BICD1: variants seen among roughly 807,000 people sequenced by gnomAD.
The protein encoded by BICD1 is protein bicaudal D homolog 1.
In BICD1, 35 loss-of-function variants were observed where a neutral mutation model predicts 92.5. That is an observed-to-expected ratio of 0.38 (90% CI 0.29 to 0.50). The LOEUF is 0.50. Ranked by LOEUF, BICD1 falls within the 20% of genes least tolerant of loss-of-function variation. BICD1 has a pLI of 0.93. For synonymous variants in BICD1, 429 were observed against 465.1 expected, an observed-to-expected ratio of 0.92 and a Z score of 1.00; for missense variants, 950 against 1,189.8, an observed-to-expected ratio of 0.80 and a Z score of 2.97.
intron 8 of BICD1, among the ~76,000 whole-genome samples, chr12:32,359,022 A>G (rs903244398): frequency 1.3e-5 from 2 of 152,218 alleles, no homozygotes; most frequent in Admixed American, 1.3e-4. Context: ...CAGAAAGAAG[A>G]AAGAGAGATA....
intron 1 of BICD1, among the ~76,000 whole-genome samples, chr12:32,170,990 T>C (rs1229937685): frequency 6.6e-6 from 1 of 152,192 alleles, no homozygotes; most frequent in Admixed American, 6.5e-5. Context: ...GATTTAATAT[T>C]TAATTGCCCA....
intron 1 of BICD1, among the ~76,000 whole-genome samples, chr12:32,125,274 G>A (rs557695760): frequency 3.9e-5 from 6 of 152,132 alleles, no homozygotes; most frequent in Non-Finnish European, 7.4e-5. Context: ...TGGTTGATCA[G>A]ACCCTTGAAT....
intron 2 of BICD1, among the ~76,000 whole-genome samples, chr12:32,280,955 C>T (rs1187954521): frequency 1.3e-5 from 2 of 152,174 alleles, no homozygotes; most frequent in South Asian, 4.1e-4. Context: ...TGGTGCATAC[C>T]ATATCTTGCT....
At chr12:32,185,740 G>T (rs1944408555) in intron 1 of BICD1, among the ~76,000 whole-genome samples, 1 of 152,154 alleles carries the variant, frequency 6.6e-6, no homozygotes, top group Non-Finnish European at 1.5e-5. Context: ...CTGAGGGGTG[G>T]TGAATCCACC....
intron 1 of BICD1, among the ~76,000 whole-genome samples, chr12:32,142,496 A>ATCTATCTATTGG (rs1555134359): frequency 0.017 from 1,238 of 73,280 alleles, 9 homozygotes; most frequent in Non-Finnish European, 0.024. Context: ...CTATTGGTCT[A>ATCTATCTATTGG]TCTATCTAGA....
intron 9 of BICD1, among the ~76,000 whole-genome samples, chr12:32,374,030 A>C (rs1489231968): frequency 1.3e-5 from 2 of 151,678 alleles, no homozygotes; most frequent in African/African-American, 4.8e-5. Context: ...CCTGGGCAAC[A>C]TGGTGAAACT....
At chr12:32,285,051 T>G (rs1947526834) in intron 2 of BICD1, among the ~76,000 whole-genome samples, 1 of 152,208 alleles carries the variant, frequency 6.6e-6, no homozygotes, top group African/African-American at 2.4e-5. Context: ...CTGGAGAATT[T>G]TAGCATTGCC....
chr12:32,148,764 A>T (rs1151011), intron 1 of BICD1, among the ~76,000 whole-genome samples: 20,940 of 152,136 alleles, frequency 0.14, 1,669 homozygotes, highest in East Asian at 0.21. Context: ...TCATGCCTGT[A>T]ATCCCAGCAG....
chr12:32,155,497 C>T (rs767883977), intron 1 of BICD1, among the ~76,000 whole-genome samples: 1 of 152,138 alleles, frequency 6.6e-6, no homozygotes, highest in African/African-American at 2.4e-5. Context: ...AAAGTACAGC[C>T]GTCTTCCTTG....
chr12:32,110,656 T>C (rs193285974), intron 1 of BICD1, among the ~76,000 whole-genome samples: 57 of 152,148 alleles, frequency 3.7e-4, no homozygotes, highest in Admixed American at 1.4e-3. Flanking sequence ...GCCAGAATAG[T>C]GTTTGAAGAA....
At position 32,346,314 on chromosome 12, in the gene BICD1, C is replaced by T. The variant is rs140179809; in HGVS notation, c.2764+7335C>T. Among the ~76,000 whole-genome samples the T allele has an allele frequency of 2.1e-3, 321 of 150,814 alleles. 2 individuals carry two copies. Among genetic ancestry groups the T allele is most frequent in the African/African-American group, 7.6e-3 (311 of 41,184 alleles). On this transcript the variant is annotated intron_variant, in intron 8 of 9. Coordinates refer to ENST00000652176, the MANE Select transcript of BICD1 (RefSeq NM_001714.4). ...GGTGGATCCCTTGAGGCCAAGAGTT[C>T]GAGACCAGCCTGGGCATCATGGTGA...
intron 1 of BICD1, among the ~76,000 whole-genome samples, chr12:32,141,979 A>T (rs547887442): frequency 6.6e-6 from 1 of 152,160 alleles, no homozygotes; most frequent in Non-Finnish European, 1.5e-5. Flanking sequence ...ATTTTTTTCA[A>T]AAAGGTATAA....
At chr12:32,131,903 A>G (rs571938131) in intron 1 of BICD1, among the ~76,000 whole-genome samples, 64 of 152,334 alleles carry the variant, frequency 4.2e-4, no homozygotes, top group African/African-American at 1.5e-3. Flanking sequence ...ACAGGGTGAT[A>G]TGTGCTAAAA....
chr12:32,328,137 C>T lies in BICD1; in HGVS notation c.1682C>T (p.Pro561Leu). Residue 561 changes from proline (P) to leucine (L), a missense_variant, in exon 5 of 10, where the codon CCA becomes CTA. This residue lies in a region of BICD1 where 309 missense variants were observed against 499.4 expected (regional missense o/e 0.62). Coordinates refer to ENST00000652176, the MANE Select transcript of BICD1 (RefSeq NM_001714.4). This position sits in a 1 kb window ranked among gnomAD's most constrained non-coding sequence, Gnocchi z 4.4. Reference sequence around the variant, plus strand: ...GATGATCCCAGAGGACTTTTGTCCCCACGATTAGCCAGGCGGGGTGTGTCA... The same window carrying T: ...GATGATCCCAGAGGACTTTTGTCCCTACGATTAGCCAGGCGGGGTGTGTCA... The part of the protein sequence containing the change: ...GPDDPRGLLS[P>L]RLARRGVSSP... 6.2e-7 allele frequency: 1 copy of T among 1,614,166 alleles called. No homozygotes were observed. Among genetic ancestry groups the T allele is most frequent in the Admixed American group, 1.7e-5 (1 of 60,026 alleles).
At chr12:32,360,390 A>G (rs1280609671) in intron 8 of BICD1, among the ~76,000 whole-genome samples, 1 of 152,202 alleles carries the variant, frequency 6.6e-6, no homozygotes, top group African/African-American at 2.4e-5. Context: ...GTAGAAATAT[A>G]GTTTTTACAC....
At chr12:32,276,643 G>A (rs1043675468) in intron 2 of BICD1, among the ~76,000 whole-genome samples, 5 of 151,204 alleles carry the variant, frequency 3.3e-5, no homozygotes, top group Non-Finnish European at 7.4e-5. Flanking sequence ...TGTTTTCACT[G>A]TTTCACTCTA....
intron 1 of BICD1, among the ~76,000 whole-genome samples, chr12:32,159,896 T>A (rs1448662207): frequency 8.6e-6 from 1 of 116,714 alleles, no homozygotes; most frequent in African/African-American, 2.8e-5. Flanking sequence ...CTGCCTGCCT[T>A]GGACCCAGAG....
chr12:32,274,242 C>T (rs939612334), intron 2 of BICD1, among the ~76,000 whole-genome samples: 10 of 152,114 alleles, frequency 6.6e-5, no homozygotes, highest in African/African-American at 1.9e-4. Flanking sequence ...AGAAAATCAG[C>T]GTGGCAGCCA....
chr12:32,115,319 ATTC>A (rs1459184224), intron 1 of BICD1, among the ~76,000 whole-genome samples: 2 of 150,154 alleles, frequency 1.3e-5, no homozygotes, highest in East Asian at 3.9e-4. Context: ...TTTGCTGAGT[ATTC>A]TTCTGTACTT....
Sources: gnomAD v4.1 joint callset for allele counts (sites outside exome capture counted in the v4.1 genomes callset) on GRCh38, gnomAD v4.1.1 for gene constraint, gnomAD v4.1.1 regional missense constraint, Gnocchi (gnomAD v3.1) non-coding constraint, MANE v1.5 for transcripts, NCBI Gene and HGNC (gene_info 2026-07-23, HGNC 2026-07-21) for gene names.